The following MEPE variants were observed in gnomAD, a reference collection of about 807,000 sequenced individuals.
MEPE encodes matrix, extracellular phosphoglycoprotein with ASARM motif (bone).
In MEPE, 7 loss-of-function variants were observed where a neutral mutation model predicts 7.3. The ratio of observed to expected loss-of-function variants is 0.95; its 90% CI spans 0.54 to 1.79. The LOEUF is 1.79. MEPE is among the 40% of genes most tolerant of loss of function. The pLI is 0.00. For missense variants in MEPE, 623 were observed against 628.2 expected (o/e 0.99, Z 0.09); for synonymous variants, 214 against 213.1 (o/e 1.00, Z -0.04).
chr4:87,835,725 G>A (rs1560537505), intron 2 of MEPE, among the ~76,000 whole-genome samples: 1 of 152,082 alleles, frequency 6.6e-6, no homozygotes, highest in Non-Finnish European at 1.5e-5. Flanking sequence ...ACACATTTGC[G>A]AGACCCCATG....
chr4:87,838,888 A>G (rs1176975139), intron 3 of MEPE, among the ~76,000 whole-genome samples: 1 of 152,250 alleles, frequency 6.6e-6, no homozygotes, highest in Admixed American at 6.5e-5. Flanking sequence ...AACATTGTGA[A>G]TAGAGATTTA....
chr4:87,828,553 A>T (rs1722527120), upstream of MEPE, among the ~76,000 whole-genome samples: 1 of 152,164 alleles, frequency 6.6e-6, no homozygotes. Flanking sequence ...TACAGAAAAG[A>T]TGGGTCCTAG....
At position 87,846,170 on chromosome 4, in the gene MEPE, G is replaced by A. The variant is rs2110015545; in HGVS notation, c.1302G>A (p.Gln434=). Reference sequence around the variant, plus strand: ...GGTTTCCTAGTAAGGGCAAAAGTCAGGGCCTGCCCATTCCTTCTCGTGGTC... The same window carrying A: ...GGTTTCCTAGTAAGGGCAAAAGTCAAGGCCTGCCCATTCCTTCTCGTGGTC... ...KQRFPSKGKS[Q]GLPIPSRGLD... is the part of the protein sequence containing the mutation. Residue 434 remains glutamine (Q), a synonymous_variant, in exon 4 of 4, where the codon CAG becomes CAA. Transcript: ENST00000361056. 1 of 1,614,028 alleles carries A rather than the reference G, an allele frequency of 6.2e-7. No homozygotes were observed. Among genetic ancestry groups the A allele is most frequent in the South Asian group, 1.1e-5 (1 of 91,070 alleles).
rs1299032950 is a variant in MEPE, at chr4:87,845,595, G to A, written c.727G>A (p.Asp243Asn). Residue 243 changes from aspartate to asparagine, a missense_variant, in exon 4 of 4, where the codon GAT becomes AAT. Coordinates refer to ENST00000361056, the MANE Select transcript of MEPE (RefSeq NM_020203.6). ...TGATTTTGAAGGCAGCGGTTATACAGATCTTCAAGAGAGAGGGGACAATGA... is the reference window on the plus strand; with the variant it reads ...TGATTTTGAAGGCAGCGGTTATACAAATCTTCAAGAGAGAGGGGACAATGA... The part of the protein sequence containing the change: ...PSDFEGSGYT[D>N]LQERGDNDIS... 1 of 1,613,592 alleles carries A rather than the reference G, an allele frequency of 6.2e-7. No homozygotes were observed. The highest frequency in any genetic ancestry group is 2.2e-5 in the East Asian group (1 of 44,878).
rs1301024645 is a variant in MEPE at position 87,845,534 on chromosome 4, C to T, written c.666C>T (p.Tyr222=). ...ATCGTATTCAACACAACATTGACTA[C>T]CTAAAACATCTCTCAAAAGTCAAAA... ...STHRIQHNID[Y]LKHLSKVKKI... Residue 222 remains tyrosine (Y), a synonymous_variant, in exon 4 of 4, where the codon TAC becomes TAT. Coordinates refer to ENST00000361056, the MANE Select transcript of MEPE (RefSeq NM_020203.6). The T allele has an allele frequency of 6.2e-7, 1 of 1,612,388 alleles. No homozygotes were observed. Among genetic ancestry groups the T allele is most frequent in the Non-Finnish European group, 8.5e-7 (1 of 1,179,598 alleles).
chr4:87,827,484 G>A (rs577799498), intron 1 of MEPE, among the ~76,000 whole-genome samples: 1 of 152,178 alleles, frequency 6.6e-6, no homozygotes, highest in Non-Finnish European at 1.5e-5. Flanking sequence ...TGAATAGCTA[G>A]CTGGTAAAAG....
At chr4:87,834,142 A>C (rs1722689709) in intron 1 of MEPE, among the ~76,000 whole-genome samples, 1 of 152,228 alleles carries the variant, frequency 6.6e-6, no homozygotes, top group Admixed American at 6.5e-5. Flanking sequence ...TTTAGTATTC[A>C]ATAAATGTTA....
intron 2 of MEPE, among the ~76,000 whole-genome samples, chr4:87,838,161 A>T (rs1449505842): frequency 6.6e-6 from 1 of 152,190 alleles, no homozygotes; most frequent in East Asian, 1.9e-4. Flanking sequence ...CATCAGCAGC[A>T]TCATATCTTA....
At chr4:87,828,355 A>G (rs575927803), upstream of MEPE, among the ~76,000 whole-genome samples, 1 of 152,300 alleles carries the variant, frequency 6.6e-6, no homozygotes, top group South Asian at 2.1e-4. Flanking sequence ...TAAAACAGAA[A>G]CTTATTTTAG....
rs1213461046 is a variant in MEPE, at chr4:87,842,682, C to CT, written c.109-2290dup. ...CCAGCGAGTTCGAAGGAACACTAAA[C>CT]TTTTTCAAATGTTGGGAGGGTTTCA... On this transcript the variant is annotated intron_variant, in intron 3 of 3. Transcript: ENST00000361056. Among the ~76,000 whole-genome samples, 7 of 152,114 alleles carry CT rather than the reference C, an allele frequency of 4.6e-5. No individual in the cohort carries two copies. The South Asian group carries it at 1.5e-3, about 32-fold the overall frequency.
At chr4:87,830,261 A>G (rs576839043), upstream of MEPE, among the ~76,000 whole-genome samples, 1 of 152,284 alleles carries the variant, frequency 6.6e-6, no homozygotes, top group South Asian at 2.1e-4. Context: ...ACATTCTTCC[A>G]TAAAGACACA....
At chr4:87,834,407 A>T (rs542704019) in intron 1 of MEPE, among the ~76,000 whole-genome samples, 1 of 152,264 alleles carries the variant, frequency 6.6e-6, no homozygotes, top group East Asian at 1.9e-4. Context: ...AGAAGAGCTG[A>T]TGATAGAGCA....
intron 3 of MEPE, among the ~76,000 whole-genome samples, chr4:87,844,585 A>AAGAGAGAG (rs375234094): frequency 1.3e-5 from 2 of 150,192 alleles, no homozygotes; most frequent in South Asian, 2.1e-4. Context: ...AGAAAAGAGA[A>AAGAGAGAG]AGAGAGAGAG....
chr4:87,840,089 A>T (rs1485879274), intron 3 of MEPE: 6 of 1,528,114 alleles, frequency 3.9e-6, no homozygotes, highest in Non-Finnish European at 5.2e-6. Context: ...GCTTCTGAGT[A>T]ACATTTGGTG....
chr4:87,826,796 C>T (rs1171727116), intron 1 of MEPE, among the ~76,000 whole-genome samples: 1 of 152,062 alleles, frequency 6.6e-6, no homozygotes, highest in Non-Finnish European at 1.5e-5. Context: ...GTCTTCTTTT[C>T]TAAAGTGTCT....
At chr4:87,837,477 CA>C (rs1322080104) in intron 2 of MEPE, among the ~76,000 whole-genome samples, 1 of 152,178 alleles carries the variant, frequency 6.6e-6, no homozygotes. Context: ...TGAGAGCAAG[CA>C]GGGGCATTCC....
rs754036412 is a variant in MEPE, at chr4:87,846,484, C to G, written c.*38C>G. 1.3e-6 allele frequency: 2 copies of G among 1,579,080 alleles called. No homozygotes were observed. Among genetic ancestry groups the G allele is most frequent in the Admixed American group, 3.6e-5 (2 of 56,334 alleles). ...TCCCAGCGGGGTGACAGTCTGAAGA[C>G]CTCGTCACCTGTGAGTTGATGTAGA... On this transcript the variant is annotated 3_prime_UTR_variant, in exon 4 of 4. Coordinates refer to ENST00000361056, the MANE Select transcript of MEPE (RefSeq NM_020203.6).
chr4:87,843,744 C>T (rs572708304), intron 3 of MEPE, among the ~76,000 whole-genome samples: 1 of 152,326 alleles, frequency 6.6e-6, no homozygotes, highest in East Asian at 1.9e-4. Flanking sequence ...ATAAATCAGT[C>T]TCTTTTAGTT....
upstream of MEPE, among the ~76,000 whole-genome samples, chr4:87,828,051 T>G (rs1185537953): frequency 6.6e-6 from 1 of 152,204 alleles, no homozygotes; most frequent in African/African-American, 2.4e-5. Flanking sequence ...AATGAAAACA[T>G]TCCTTCTGCT....
Sources: allele counts gnomAD v4.1 joint callset (sites outside exome capture counted in the v4.1 genomes callset), GRCh38; gene constraint gnomAD v4.1.1; transcripts MANE v1.5; gene names NCBI Gene and HGNC (gene_info 2026-07-23, HGNC 2026-07-21).